The following STX17 variants were observed in gnomAD, a reference collection of about 807,000 sequenced individuals.
The protein encoded by STX17 is syntaxin 17, also known as syntaxin-17.
Under a neutral mutation model 35.9 loss-of-function variants are expected in STX17, and 29 were observed. The observed-to-expected ratio is 0.81, with a 90% confidence interval of 0.60 to 1.10. STX17 has a LOEUF of 1.10. STX17 is among the 50% of genes least tolerant of loss of function. The pLI is 0.00. For missense variants in STX17, 312 were observed against 352.3 expected (o/e 0.89, Z 0.92); for synonymous variants, 92 against 118.3 (o/e 0.78, Z 1.44).
Position 99,929,334 on chromosome 9 carries a change from C to G in STX17, c.189+491C>G, listed in dbSNP as rs1391714327. On this transcript the variant is annotated intron_variant, in intron 3 of 7. Transcript: ENST00000259400. ...AATTTGAAAGATACTGATCTTCTGT[C>G]TACAATTAGTATTGCAAATATTCTT... Among the ~76,000 whole-genome samples, 6 of 151,180 alleles carry G rather than the reference C, an allele frequency of 4.0e-5. No individual in the cohort carries two copies. In the South Asian group the frequency reaches 1.2e-3, roughly 31 times the overall value.
chr9:99,926,654 C>T (rs1413246144), intron 2 of STX17, among the ~76,000 whole-genome samples: 1 of 152,070 alleles, frequency 6.6e-6, no homozygotes. Flanking sequence ...CCTGTCACCA[C>T]ACCCGGCTAA....
intron 6 of STX17, among the ~76,000 whole-genome samples, chr9:99,963,872 A>G (rs1460263114): frequency 6.6e-6 from 1 of 152,130 alleles, no homozygotes. Flanking sequence ...ATATGATTGC[A>G]TATGATTAAG....
Position 99,973,606 on chromosome 9 carries a change from A to C in STX17, c.*4933A>C, listed in dbSNP as rs551481603. ...AGACTTGTCCTGTCAATTCTCCCTT[A>C]AATGTTAGTTGCATCCATTTCTAAA... On this transcript the variant is annotated 3_prime_UTR_variant, in exon 8 of 8. Transcript: ENST00000259400. Among the ~76,000 whole-genome samples the C allele has an allele frequency of 1.3e-4, 20 of 152,290 alleles. No individual in the cohort carries two copies. The highest frequency in any genetic ancestry group is 4.8e-4 in the African/African-American group (20 of 41,550).
chr9:99,968,614 G>A lies in STX17; in HGVS notation c.850G>A (p.Glu284Lys), dbSNP rs1205705401. ...ACAAAGAAAGAAACAGAAAATGATG[G>A]AGAAGCTCACTTCCAGCTGTCCAGA... ...LIQRKKQKMMEKLTSSCPDLP... is the reference protein window; with the variant it reads ...LIQRKKQKMMKKLTSSCPDLP... The change falls in exon 8 of 8, where the codon GAG becomes AAG. Residue 284 changes from glutamate (E) to lysine (K), a missense_variant. Coordinates refer to ENST00000259400, the MANE Select transcript of STX17 (RefSeq NM_017919.3). The A allele has an allele frequency of 5.6e-6, 9 of 1,613,828 alleles. No individual in the cohort carries two copies. Among genetic ancestry groups the A allele is most frequent in the Non-Finnish European group, 7.6e-6 (9 of 1,179,950 alleles).
intron 2 of STX17, among the ~76,000 whole-genome samples, chr9:99,920,732 G>A (rs1828869020): frequency 6.6e-6 from 1 of 152,046 alleles, no homozygotes; most frequent in Non-Finnish European, 1.5e-5. Flanking sequence ...AAATTTGTAA[G>A]GAGTTACTTG....
chr9:99,955,417 C>T (rs1006413942), intron 4 of STX17, among the ~76,000 whole-genome samples: 7 of 151,776 alleles, frequency 4.6e-5, no homozygotes. Flanking sequence ...TAAGTTAAGC[C>T]ATGCTTAGAA....
intron 2 of STX17, among the ~76,000 whole-genome samples, chr9:99,923,918 C>A (rs1306048341): frequency 6.6e-6 from 1 of 152,184 alleles, no homozygotes; most frequent in African/African-American, 2.4e-5. Flanking sequence ...CATGTCCTCC[C>A]TGGAGACACC....
chr9:99,930,070 G>A (rs996986549), intron 3 of STX17, among the ~76,000 whole-genome samples: 4 of 149,754 alleles, frequency 2.7e-5, no homozygotes, highest in Admixed American at 6.7e-5. Flanking sequence ...CCACCACCAC[G>A]CCTGACTAAT....
chr9:99,908,255 G>GT (rs879920165), intron 1 of STX17, among the ~76,000 whole-genome samples: 5 of 85,556 alleles, frequency 5.8e-5, no homozygotes, highest in Middle Eastern at 6.3e-3. Flanking sequence ...TTGACATCTT[G>GT]GGGGGGAGCT....
chr9:99,930,513 C>G (rs1016891256), intron 3 of STX17, among the ~76,000 whole-genome samples: 1 of 150,582 alleles, frequency 6.6e-6, no homozygotes, highest in South Asian at 2.1e-4. Flanking sequence ...GTGGTCCACC[C>G]GCCTCAGCCT....
chr9:99,922,112 A>G (rs1436843992), intron 2 of STX17, among the ~76,000 whole-genome samples: 6 of 152,100 alleles, frequency 3.9e-5, no homozygotes, highest in Non-Finnish European at 8.8e-5. Flanking sequence ...TCAGATATAA[A>G]CACACCACCC....
intron 6 of STX17, among the ~76,000 whole-genome samples, chr9:99,962,455 T>G (rs1829845947): frequency 6.6e-6 from 1 of 152,206 alleles, no homozygotes; most frequent in Admixed American, 6.5e-5. Flanking sequence ...TATATACACT[T>G]GCCAAAAGTC....
In STX17 at chr9:99,951,095, T is replaced by G. The variant is rs775568917; in HGVS notation, c.225T>G (p.Leu75=). Residue 75 remains leucine (L), a synonymous_variant, in exon 4 of 8, where the codon CTT becomes CTG. Coordinates refer to ENST00000259400, the MANE Select transcript of STX17 (RefSeq NM_017919.3). ...CCAATATCCGAGAAATTGAGAAACT[T>G]TGTTTGAAAGTCCGAAAGGATGACC... ...LRSNIREIEK[L]CLKVRKDDLV... 6.2e-7 allele frequency: 1 copy of G among 1,610,426 alleles called. No homozygotes were observed. The highest frequency in any genetic ancestry group is 2.2e-5 in the East Asian group (1 of 44,824).
Position 99,951,160 on chromosome 9 carries a change from A to C in STX17, c.290A>C (p.Glu97Ala), listed in dbSNP as rs754843978. Residue 97 changes from glutamate (E) to alanine (A), a missense_variant, in exon 4 of 8, where the codon GAA becomes GCA. By Grantham distance (107) the Glu-to-Ala change is moderately radical. Coordinates refer to ENST00000259400, the MANE Select transcript of STX17 (RefSeq NM_017919.3). Reference sequence around the variant, plus strand: ...AGAATGATAGATCCTGTTAAAGAAGAAGCATCAGCAGCAACAGCAGAATTT... The same window carrying C: ...AGAATGATAGATCCTGTTAAAGAAGCAGCATCAGCAGCAACAGCAGAATTT... ...LKRMIDPVKE[E>A]ASAATAEFLQ... The C allele has an allele frequency of 6.2e-7, 1 of 1,613,140 alleles. No homozygotes were observed. The highest frequency in any genetic ancestry group is 1.7e-5 in the Admixed American group (1 of 59,928).
At chr9:99,935,174 C>G (rs1564065086) in intron 3 of STX17, among the ~76,000 whole-genome samples, 2 of 151,506 alleles carry the variant, frequency 1.3e-5, no homozygotes, top group African/African-American at 2.4e-5. Flanking sequence ...ACTAAAAATA[C>G]AAAAAATTAG....
chr9:99,910,236 A>G (rs1268470249), intron 1 of STX17, among the ~76,000 whole-genome samples: 1 of 152,068 alleles, frequency 6.6e-6, no homozygotes, highest in Non-Finnish European at 1.5e-5. Flanking sequence ...CCGTCTCAAA[A>G]CAAAAAAAAA....
chr9:99,963,501 A>C, intron 6 of STX17, among the ~76,000 whole-genome samples: 1 of 152,194 alleles, frequency 6.6e-6, no homozygotes, highest in East Asian at 1.9e-4. Context: ...TGTGACCTTC[A>C]GGATGTTATT....
At chr9:99,914,662 A>G (rs1164015040) in intron 1 of STX17, among the ~76,000 whole-genome samples, 1 of 152,194 alleles carries the variant, frequency 6.6e-6, no homozygotes, top group African/African-American at 2.4e-5. Context: ...ATGTTATCAT[A>G]TATTTGAAGT....
chr9:99,910,375 T>A (rs1182119847), intron 1 of STX17, among the ~76,000 whole-genome samples: 1 of 152,226 alleles, frequency 6.6e-6, no homozygotes, highest in Admixed American at 6.5e-5. Context: ...TAATACTAAG[T>A]ATATTGCTTG....
Sources: gnomAD v4.1 joint callset for allele counts (sites outside exome capture counted in the v4.1 genomes callset) on GRCh38, gnomAD v4.1.1 for gene constraint, MANE v1.5 for transcripts, NCBI Gene and HGNC (gene_info 2026-07-23, HGNC 2026-07-21) for gene names.